PDE8A: variants seen among roughly 807,000 people sequenced by gnomAD.
The protein encoded by PDE8A is high affinity cAMP-specific and IBMX-insensitive 3',5'-cyclic phosphodiesterase 8A.
In PDE8A, 59 loss-of-function variants were observed where a neutral mutation model predicts 105.0. That is an observed-to-expected ratio of 0.56 (90% CI 0.46 to 0.70). The LOEUF is 0.70. Ranked by LOEUF, PDE8A falls within the 30% of genes least tolerant of loss-of-function variation. PDE8A has a pLI of 0.00. For missense variants in PDE8A, 1,014 were observed against 1,045.9 expected (o/e 0.97, Z 0.42); for synonymous variants, 355 against 371.9 (o/e 0.95, Z 0.52).
chr15:85,130,688 C>A (rs990645302), intron 20 of PDE8A, among the ~76,000 whole-genome samples: 32 of 152,130 alleles, frequency 2.1e-4, no homozygotes, highest in African/African-American at 7.7e-4. Context: ...TCTGTTTCTT[C>A]CTTCAGTTCT....
chr15:85,014,054 A>G (rs1308451132), intron 1 of PDE8A, among the ~76,000 whole-genome samples: 3 of 152,210 alleles, frequency 2.0e-5, no homozygotes, highest in African/African-American at 7.2e-5. Context: ...TATGCATTAC[A>G]TATACCAGCC....
At chr15:85,006,795 C>T (rs538076091) in intron 1 of PDE8A, among the ~76,000 whole-genome samples, 8 of 151,624 alleles carry the variant, frequency 5.3e-5, no homozygotes, top group Non-Finnish European at 1.2e-4. Flanking sequence ...TACTGTATTG[C>T]GAGTGGGAGG....
At chr15:85,076,921 C>G in intron 5 of PDE8A, 134 bp downstream of exon 5, 1 of 624,904 alleles carries the variant, frequency 1.6e-6, no homozygotes, top group Non-Finnish European at 2.9e-6. Flanking sequence ...TGGCTCATAC[C>G]TGTAATCCCA....
chr15:84,981,969 C>A lies in PDE8A; in HGVS notation c.-194C>A. ...ACCCGCCTAAGCGCCCCCTTCCCAC[C>A]GCAGCCGCCGCCGCCGCAGCGCCCG... is the stretch of plus-strand genomic sequence containing the variant. On this transcript the variant is annotated 5_prime_UTR_variant, in exon 1 of 22. Coordinates refer to ENST00000394553, the MANE Select transcript of PDE8A (RefSeq NM_002605.3). The A allele has an allele frequency of 3.4e-6, 1 of 290,274 alleles. No homozygotes were observed. Among genetic ancestry groups the A allele is most frequent in the Non-Finnish European group, 6.3e-6 (1 of 159,356 alleles). The allele number at this position is 290,274 out of a possible 1,614,324, so 18.0% of individuals were successfully genotyped here.
At chr15:85,016,892 T>C (rs2080333155) in intron 1 of PDE8A, among the ~76,000 whole-genome samples, 1 of 152,178 alleles carries the variant, frequency 6.6e-6, no homozygotes, top group Non-Finnish European at 1.5e-5. Flanking sequence ...GATGTTCTAT[T>C]ATTTTTTGCT....
intron 1 of PDE8A, among the ~76,000 whole-genome samples, chr15:84,995,159 C>T (rs896908173): frequency 6.6e-6 from 1 of 152,108 alleles, no homozygotes; most frequent in Non-Finnish European, 1.5e-5. Context: ...TAATCCAAAC[C>T]TCTATGAAGT....
At chr15:85,130,534 G>A (rs1011117497) in intron 20 of PDE8A, among the ~76,000 whole-genome samples, 2 of 152,090 alleles carry the variant, frequency 1.3e-5, no homozygotes, top group East Asian at 1.9e-4. Flanking sequence ...AGAAAAAAAT[G>A]TATACTCTAC....
Position 85,138,617 on chromosome 15 carries a change from A to C in PDE8A, c.*714A>C, listed in dbSNP as rs1351753427. On this transcript the variant is annotated 3_prime_UTR_variant, in exon 22 of 22. Transcript: ENST00000394553. Reference sequence around the variant, plus strand: ...ATGACACTTTTACTGCACTATAGAAATATTCATGTATGTTAAACTTTTCTG... The same window carrying C: ...ATGACACTTTTACTGCACTATAGAACTATTCATGTATGTTAAACTTTTCTG... 1 of 152,590 alleles carries C rather than the reference A, an allele frequency of 6.6e-6. No homozygotes were observed. The highest frequency in any genetic ancestry group is 2.4e-5 in the African/African-American group (1 of 41,454). 9.5% of individuals were successfully genotyped at this position (152,590 alleles called of 1,614,324 possible).
intron 3 of PDE8A, among the ~76,000 whole-genome samples, chr15:85,068,189 C>T (rs538704028): frequency 7.9e-5 from 12 of 152,162 alleles, no homozygotes; most frequent in African/African-American, 2.6e-4. Flanking sequence ...TACAGGCGCA[C>T]ACCACCATGC....
In PDE8A at chr15:84,986,283, T is replaced by C. The variant is rs113449716; in HGVS notation, c.186+3935T>C. ...TTAGTGCAGCTAAGGTGATAGATAA[T>C]AGTACAGCTGCAAGCCAACCTCTAA... On this transcript the variant is annotated intron_variant, in intron 1 of 21. Coordinates refer to ENST00000394553, the MANE Select transcript of PDE8A (RefSeq NM_002605.3). 3.5e-3 allele frequency among the ~76,000 whole-genome samples: 532 copies of C among 152,294 alleles called. 2 individuals are homozygous for C. The highest frequency in any genetic ancestry group is 0.012 in the African/African-American group (517 of 41,558).
chr15:84,989,013 A>G (rs1231783270), intron 1 of PDE8A, among the ~76,000 whole-genome samples: 1 of 152,242 alleles, frequency 6.6e-6, no homozygotes, highest in Non-Finnish European at 1.5e-5. Flanking sequence ...GAAAGCTAAA[A>G]TACCCTTAAG....
chr15:85,051,461 A>G (rs946021740), intron 1 of PDE8A, among the ~76,000 whole-genome samples: 11 of 152,232 alleles, frequency 7.2e-5, no homozygotes, highest in African/African-American at 2.2e-4. Context: ...AATTTGTTTA[A>G]AAAAATTTTT....
At chr15:84,999,052 A>T (rs2080023715) in intron 1 of PDE8A, among the ~76,000 whole-genome samples, 1 of 150,730 alleles carries the variant, frequency 6.6e-6, no homozygotes, top group Non-Finnish European at 1.5e-5. Flanking sequence ...CATAGTAGGT[A>T]TTCTCTTGTC....
At chr15:85,047,691 C>T (rs921838060) in intron 1 of PDE8A, among the ~76,000 whole-genome samples, 1 of 152,160 alleles carries the variant, frequency 6.6e-6, no homozygotes, top group African/African-American at 2.4e-5. Context: ...AAGTTCACAT[C>T]ATAAATTTAT....
chr15:85,038,700 AG>A (rs1490808975), intron 1 of PDE8A, among the ~76,000 whole-genome samples: 1 of 152,248 alleles, frequency 6.6e-6, no homozygotes, highest in Non-Finnish European at 1.5e-5. Flanking sequence ...GACATTTCTC[AG>A]AAGATATACA....
Position 85,114,945 on chromosome 15 carries a change from G to C in PDE8A, c.1351-494G>C, listed in dbSNP as rs577910423. 4.6e-5 allele frequency among the ~76,000 whole-genome samples: 7 copies of C among 152,260 alleles called. No individual in the cohort carries two copies. The South Asian group carries it at 1.2e-3, about 27-fold the overall frequency. On this transcript the variant is annotated intron_variant, in intron 14 of 21. Coordinates refer to ENST00000394553, the MANE Select transcript of PDE8A (RefSeq NM_002605.3). ...TGGGCCAGGTGGTCTGGAAGCAGTG[G>C]TGAGGAGCCCAGGAGAGTCAACTGT...
At chr15:85,100,773 G>A (rs1443082614) in intron 11 of PDE8A, among the ~76,000 whole-genome samples, 1 of 152,222 alleles carries the variant, frequency 6.6e-6, no homozygotes, top group Admixed American at 6.5e-5. Context: ...GCTGGGCTGG[G>A]ATGGTGAAGC....
chr15:85,112,219 G>GT (rs1456251499), intron 12 of PDE8A, among the ~76,000 whole-genome samples: 1 of 151,968 alleles, frequency 6.6e-6, no homozygotes, highest in East Asian at 1.9e-4. Context: ...TGTATATGAT[G>GT]TTTTGACCTA....
chr15:85,008,963 C>T (rs1228615741), intron 1 of PDE8A, among the ~76,000 whole-genome samples: 1 of 152,180 alleles, frequency 6.6e-6, no homozygotes, highest in East Asian at 1.9e-4. Context: ...CCCTTGTCTT[C>T]AGGGCTCCTG....
Sources: allele counts gnomAD v4.1 joint callset (sites outside exome capture counted in the v4.1 genomes callset), GRCh38; gene constraint gnomAD v4.1.1; transcripts MANE v1.5; gene names NCBI Gene and HGNC (gene_info 2026-07-23, HGNC 2026-07-21).